The following TRAPPC10 variants were observed in gnomAD, a reference collection of about 807,000 sequenced individuals.
TRAPPC10 encodes the protein TRAPP 130 kDa subunit.
A neutral mutation model predicts 125.5 loss-of-function variants in TRAPPC10; 23 were observed. The ratio of observed to expected loss-of-function variants is 0.18; its 90% CI spans 0.13 to 0.26. The LOEUF is 0.26. Ranked by LOEUF, TRAPPC10 falls within the 10% of genes least tolerant of loss-of-function variation. TRAPPC10 has a pLI of 1.00. For missense variants in TRAPPC10, 1,123 were observed against 1,308.4 expected, an observed-to-expected ratio of 0.86 and a Z score of 2.19; for synonymous variants, 509 against 518.0, an observed-to-expected ratio of 0.98 and a Z score of 0.24.
intron 1 of TRAPPC10, among the ~76,000 whole-genome samples, chr21:44,025,651 CTG>C (rs1457033358): frequency 6.6e-6 from 1 of 152,156 alleles, no homozygotes; most frequent in African/African-American, 2.4e-5. Flanking sequence ...CAGAAAAAGA[CTG>C]GGACTTTCTG....
At chr21:44,057,145 G>T (rs1192007103) in intron 5 of TRAPPC10, among the ~76,000 whole-genome samples, 1 of 152,130 alleles carries the variant, frequency 6.6e-6, no homozygotes, top group Non-Finnish European at 1.5e-5. Flanking sequence ...ACAGAAGGTG[G>T]AATGGGGGCT....
chr21:44,033,491 A>C (rs2033750184), intron 2 of TRAPPC10, among the ~76,000 whole-genome samples: 2 of 152,146 alleles, frequency 1.3e-5, no homozygotes, highest in African/African-American at 4.8e-5. Flanking sequence ...GTAATCTGTA[A>C]GGGCATTCTG....
intron 1 of TRAPPC10, among the ~76,000 whole-genome samples, chr21:44,029,619 C>T (rs952486317): frequency 6.6e-6 from 1 of 152,130 alleles, no homozygotes; most frequent in African/African-American, 2.4e-5. Context: ...CTAGGGCTGC[C>T]GCCACAGAGT....
chr21:44,052,131 C>G (rs2035272922), intron 3 of TRAPPC10, 149 bp from the exon 4 acceptor site: 1 of 645,854 alleles, frequency 1.5e-6, no homozygotes, highest in African/African-American at 1.8e-5. Flanking sequence ...GCTTGCTAGG[C>G]CGCTGGGCTT....
chr21:44,095,708 C>T (rs2038889255), intron 20 of TRAPPC10, among the ~76,000 whole-genome samples: 1 of 151,436 alleles, frequency 6.6e-6, no homozygotes, highest in Admixed American at 6.6e-5. Context: ...GGATAACAGG[C>T]ATGTGCTGTG....
At chr21:44,018,259 G>A (rs1309693358) in intron 1 of TRAPPC10, among the ~76,000 whole-genome samples, 1 of 151,926 alleles carries the variant, frequency 6.6e-6, no homozygotes, top group Non-Finnish European at 1.5e-5. Context: ...AAAAAAGTTA[G>A]CCAGGTGTGG....
chr21:44,037,173 G>A (rs927247923), intron 2 of TRAPPC10, among the ~76,000 whole-genome samples: 2 of 152,182 alleles, frequency 1.3e-5, no homozygotes, highest in African/African-American at 2.4e-5. Flanking sequence ...CACGCGGTGT[G>A]GTTCACTGTT....
At chr21:44,018,591 C>T (rs917015728) in intron 1 of TRAPPC10, among the ~76,000 whole-genome samples, 2 of 150,734 alleles carry the variant, frequency 1.3e-5, no homozygotes, top group African/African-American at 2.4e-5. Flanking sequence ...CCCAGCTACT[C>T]GGGAGGTTGA....
At chr21:44,042,499 C>T (rs1229002108) in intron 3 of TRAPPC10, among the ~76,000 whole-genome samples, 3 of 152,090 alleles carry the variant, frequency 2.0e-5, no homozygotes, top group East Asian at 3.9e-4. Context: ...TATATTTTTG[C>T]TTTATGAAAC....
chr21:44,092,031 G>A lies in TRAPPC10; in HGVS notation c.2979G>A (p.Leu993=). The A allele has an allele frequency of 6.2e-7, 1 of 1,614,108 alleles. No homozygotes were observed. The highest frequency in any genetic ancestry group is 1.3e-5 in the African/African-American group (1 of 75,044). Residue 993 remains leucine, a synonymous_variant, in exon 19 of 23, where the codon CTG becomes CTA. Transcript: ENST00000291574. ...GDSTDLQLVP[L]NTQSQQPIYS... ...GTACCGACCTGCAACTAGTACCACT[G>A]AACACGCAGTCCCAGCAGGTAAACA...
At chr21:44,019,707 C>T (rs997310307) in intron 1 of TRAPPC10, among the ~76,000 whole-genome samples, 5 of 152,162 alleles carry the variant, frequency 3.3e-5, no homozygotes, top group African/African-American at 1.2e-4. Flanking sequence ...GACCCCTTTC[C>T]CAAATAAGGT....
intron 18 of TRAPPC10, 88 bp from the exon 19 acceptor site, chr21:44,091,835 A>T: frequency 7.8e-7 from 1 of 1,279,706 alleles, no homozygotes; most frequent in Non-Finnish European, 1.1e-6. Flanking sequence ...TTGATTCCCC[A>T]GGCAGAGAGG....
chr21:44,046,520 TTTGG>T (rs2034820231), intron 3 of TRAPPC10: 21 of 169,110 alleles, frequency 1.2e-4, no homozygotes, highest in South Asian at 3.0e-4. Flanking sequence ...TTTTTTTTTT[TTTGG>T]GGGGAGGATT....
intron 14 of TRAPPC10, 127 bp from the exon 15 acceptor site, chr21:44,083,995 G>A: frequency 9.7e-7 from 1 of 1,029,834 alleles, no homozygotes; most frequent in Non-Finnish European, 1.4e-6. Context: ...ACAAGAGCAG[G>A]GGGTACAAGA....
chr21:44,088,238 C>T (rs184360818), intron 17 of TRAPPC10: 9 of 386,620 alleles, frequency 2.3e-5, no homozygotes, highest in East Asian at 1.0e-4. Context: ...TCCATTAGAC[C>T]GGTGACGAGG....
chr21:44,071,136 A>G (rs2036835986), intron 7 of TRAPPC10, among the ~76,000 whole-genome samples: 2 of 152,236 alleles, frequency 1.3e-5, no homozygotes, highest in South Asian at 4.1e-4. Flanking sequence ...AAAGGAGGAC[A>G]TGCTGTGTGA....
chr21:44,041,424 T>C (rs981839448), intron 3 of TRAPPC10, among the ~76,000 whole-genome samples: 8 of 152,164 alleles, frequency 5.3e-5, no homozygotes, highest in African/African-American at 1.7e-4. Context: ...TTGCCCAGGC[T>C]GGAGTGCAGT....
intron 3 of TRAPPC10, among the ~76,000 whole-genome samples, chr21:44,049,228 G>A (rs73375114): frequency 4.6e-5 from 7 of 152,146 alleles, no homozygotes; most frequent in Non-Finnish European, 1.0e-4. Flanking sequence ...GCTTGTGTAC[G>A]TACATACATA....
intron 3 of TRAPPC10, among the ~76,000 whole-genome samples, chr21:44,038,880 A>G (rs1398429621): frequency 2.0e-5 from 3 of 152,118 alleles, no homozygotes; most frequent in South Asian, 4.1e-4. Context: ...GGCTCCACAC[A>G]GCCAGTGAGG....
Sources: allele counts gnomAD v4.1 joint callset (sites outside exome capture counted in the v4.1 genomes callset), GRCh38; gene constraint gnomAD v4.1.1; transcripts MANE v1.5; gene names NCBI Gene and HGNC (gene_info 2026-07-23, HGNC 2026-07-21).